PPP3CC: variants seen among roughly 807,000 people sequenced by gnomAD.
PPP3CC encodes serine/threonine-protein phosphatase 2B catalytic subunit gamma isoform.
A neutral mutation model predicts 60.3 loss-of-function variants in PPP3CC; 35 were observed. The ratio of observed to expected loss-of-function variants is 0.58; its 90% confidence interval spans 0.44 to 0.77. The LOEUF (loss-of-function observed/expected upper bound fraction) is 0.77. PPP3CC is among the 30% of genes least tolerant of loss of function. PPP3CC has a pLI of 0.00. For missense variants in PPP3CC, 570 were observed against 628.9 expected, an observed-to-expected ratio of 0.91 and a Z score of 1.00; for synonymous variants, 206 against 224.3, an observed-to-expected ratio of 0.92 and a Z score of 0.73.
intron 12 of PPP3CC, among the ~76,000 whole-genome samples, chr8:22,536,182 A>G (rs1433662235): frequency 6.6e-6 from 1 of 152,274 alleles, no homozygotes; most frequent in African/African-American, 2.4e-5. Flanking sequence ...AGAAAGTATC[A>G]GTAAACTATT....
chr8:22,513,065 A>C (rs1839136865), intron 5 of PPP3CC, among the ~76,000 whole-genome samples: 1 of 152,056 alleles, frequency 6.6e-6, no homozygotes, highest in Admixed American at 6.6e-5. Flanking sequence ...AATAAGAACG[A>C]AACTCCGTCT....
At position 22,525,543 on chromosome 8, in the gene PPP3CC, CCTCT is replaced by C. The variant is rs1163306920; in HGVS notation, c.944-1836_944-1833del. 5.1e-4 allele frequency among the ~76,000 whole-genome samples: 18 copies of C among 35,076 alleles called. No individual in the cohort carries two copies. The South Asian group carries it at 0.012, about 23-fold the overall frequency. The allele number at this position is 35,076 out of a possible 152,430, so 23.0% of individuals were successfully genotyped here. ...CTTTCTTTCTTTCTTTCTTTCTCTCCCTCTCTCTCTCTCTCTTTCTTTCTCTCTC... is the reference window on the plus strand; with the variant it reads ...CTTTCTTTCTTTCTTTCTTTCTCTCCCTCTCTCTCTCTTTCTTTCTCTCTC... On this transcript the variant is annotated intron_variant, in intron 8 of 13. Coordinates refer to ENST00000240139, the MANE Select transcript of PPP3CC (RefSeq NM_005605.5).
At chr8:22,491,373 A>G (rs1289618204) in intron 3 of PPP3CC, among the ~76,000 whole-genome samples, 2 of 152,140 alleles carry the variant, frequency 1.3e-5, no homozygotes, top group East Asian at 3.8e-4. Flanking sequence ...AATACTTGCC[A>G]ATATAATGGG....
At chr8:22,489,784 G>T (rs866751886) in intron 3 of PPP3CC, among the ~76,000 whole-genome samples, 24 of 79,482 alleles carry the variant, frequency 3.0e-4, no homozygotes, top group African/African-American at 9.3e-4. Context: ...TATATATATA[G>T]TAAGTATATA....
At chr8:22,536,522 G>A (rs960672438) in intron 12 of PPP3CC, among the ~76,000 whole-genome samples, 1 of 152,196 alleles carries the variant, frequency 6.6e-6, no homozygotes, top group Admixed American at 6.5e-5. Flanking sequence ...CTAATTCTTG[G>A]TCACCTTTTG....
chr8:22,513,798 T>C (rs1232301791), intron 6 of PPP3CC, among the ~76,000 whole-genome samples: 6 of 152,224 alleles, frequency 3.9e-5, no homozygotes, highest in Admixed American at 3.9e-4. Flanking sequence ...AGGAATCCTA[T>C]TGTATTTTCA....
chr8:22,530,472 C>T lies in PPP3CC; in HGVS notation c.1142-1753C>T, dbSNP rs546818469. 4.0e-5 allele frequency among the ~76,000 whole-genome samples: 6 copies of T among 151,152 alleles called. No homozygotes were observed. In the South Asian group the frequency reaches 1.1e-3, roughly 26 times the overall value. On this transcript the variant is annotated intron_variant, in intron 10 of 13. Coordinates refer to ENST00000240139, the MANE Select transcript of PPP3CC (RefSeq NM_005605.5). ...CCTGTCTCAAACAAACAAACAGAAA[C>T]ACATATATTTCCTATTCTTTCCCAC...
chr8:22,531,508 G>C (rs1839716124), intron 10 of PPP3CC, among the ~76,000 whole-genome samples: 1 of 152,192 alleles, frequency 6.6e-6, no homozygotes, highest in Non-Finnish European at 1.5e-5. Context: ...CTGAGGGTTG[G>C]ATGTGAGGAA....
rs145034043 is a variant in PPP3CC, at chr8:22,506,850, G to C, written c.485-4236G>C. On this transcript the variant is annotated intron_variant, in intron 4 of 13. Coordinates refer to ENST00000240139, the MANE Select transcript of PPP3CC (RefSeq NM_005605.5). ...CCAGCTACTCGGGAGGCTGAGGCTG[G>C]AGGATGGTGTGAACCCGGGAGGCGG... Among the ~76,000 whole-genome samples the C allele has an allele frequency of 3.1e-3, 475 of 152,248 alleles. 3 individuals are homozygous for C. Among genetic ancestry groups the C allele is most frequent in the African/African-American group, 0.011 (450 of 41,546 alleles).
chr8:22,481,345 A>AGAT (rs1554533250), intron 3 of PPP3CC, among the ~76,000 whole-genome samples: 6 of 143,996 alleles, frequency 4.2e-5, no homozygotes, highest in Admixed American at 2.8e-4. Flanking sequence ...CAAGAAAAAT[A>AGAT]AATAATAATA....
chr8:22,488,706 C>T (rs1037163193), intron 3 of PPP3CC, among the ~76,000 whole-genome samples: 3 of 152,146 alleles, frequency 2.0e-5, no homozygotes, highest in Non-Finnish European at 4.4e-5. Context: ...GGAGCTAAAG[C>T]GGGACAGGAG....
intron 3 of PPP3CC, among the ~76,000 whole-genome samples, chr8:22,493,796 A>C (rs888957574): frequency 2.0e-5 from 3 of 152,230 alleles, no homozygotes; most frequent in Middle Eastern, 6.3e-3. Flanking sequence ...TTTTGTAAAT[A>C]GAAGGAACAA....
chr8:22,451,260 C>G (rs1201403329), intron 1 of PPP3CC, among the ~76,000 whole-genome samples: 1 of 151,044 alleles, frequency 6.6e-6, no homozygotes, highest in Non-Finnish European at 1.5e-5. Flanking sequence ...CCCAGCCTCC[C>G]GAGTAGCTGG....
In PPP3CC at chr8:22,476,544, G is replaced by A. The variant is rs190004154; in HGVS notation, c.372+920G>A. ...CTCTCTCACCTGATGCCCAAGCAAA[G>A]GAGCAGCAGTTGCTCTATTGCTGTA... On this transcript the variant is annotated intron_variant, in intron 3 of 13. Coordinates refer to ENST00000240139, the MANE Select transcript of PPP3CC (RefSeq NM_005605.5). Among the ~76,000 whole-genome samples the A allele has an allele frequency of 8.5e-5, 13 of 152,294 alleles. No individual in the cohort carries two copies. The South Asian group carries it at 1.5e-3, about 17-fold the overall frequency.
rs946586698 is a variant in PPP3CC at position 22,529,455 on chromosome 8, T to G, written c.1141+878T>G. Among the ~76,000 whole-genome samples the G allele has an allele frequency of 2.0e-5, 3 of 152,204 alleles. No homozygotes were observed. The East Asian group carries it at 5.8e-4, about 29-fold the overall frequency. ...TTTTCTTGTGTTTGTTGGCAATGTT[T>G]ATCTCTCTTTTGTGACTTGTCAATT... On this transcript the variant is annotated intron_variant, in intron 10 of 13. Transcript: ENST00000240139.
intron 12 of PPP3CC, among the ~76,000 whole-genome samples, chr8:22,533,806 C>T (rs1327205529): frequency 1.3e-5 from 2 of 152,096 alleles, no homozygotes; most frequent in Non-Finnish European, 2.9e-5. Flanking sequence ...GCCTGGGCGA[C>T]AGAGTGAGAC....
At chr8:22,493,020 G>C in intron 3 of PPP3CC, 1 of 1,303,796 alleles carries the variant, frequency 7.7e-7, no homozygotes, top group Non-Finnish European at 1.1e-6. Flanking sequence ...TGCTACTGGA[G>C]AGGATGACGA....
At chr8:22,477,932 C>G (rs553078576) in intron 3 of PPP3CC, among the ~76,000 whole-genome samples, 1 of 152,216 alleles carries the variant, frequency 6.6e-6, no homozygotes, top group African/African-American at 2.4e-5. Flanking sequence ...CCCACCGCAA[C>G]GTCCGCCTCC....
rs544945738 is a variant in PPP3CC, at chr8:22,475,600, G to A, written c.348G>A (p.Val116=). 1.2e-6 allele frequency: 2 copies of A among 1,613,312 alleles called. No homozygotes were observed. The highest frequency in any genetic ancestry group is 3.3e-5 in the Admixed American group (2 of 59,990). Reference sequence around the variant, plus strand: ...GCTACCTCTTTCTGGGTGACTATGTGGACAGAGGCTATTTCAGTATAGAGG... The same window carrying A: ...GCTACCTCTTTCTGGGTGACTATGTAGACAGAGGCTATTTCAGTATAGAGG... The part of the protein sequence containing the change: ...NTRYLFLGDY[V]DRGYFSIECV... The change falls in exon 3 of 14, where the codon GTG becomes GTA. Residue 116 remains valine, a synonymous_variant. Transcript: ENST00000240139.
Sources: gnomAD v4.1 joint callset for allele counts (sites outside exome capture counted in the v4.1 genomes callset) on GRCh38, gnomAD v4.1.1 for gene constraint, MANE v1.5 for transcripts, NCBI Gene and HGNC (gene_info 2026-07-23, HGNC 2026-07-21) for gene names.